Variants in JARID2 observed in about 807,000 individuals in gnomAD.
JARID2 encodes the protein jumonji and AT-rich interaction domain containing 2, also known as protein Jumonji.
A neutral mutation model predicts 125.6 loss-of-function variants in JARID2; 21 were observed. The ratio of observed to expected loss-of-function variants is 0.17; its 90% CI spans 0.12 to 0.24. The LOEUF is 0.24. JARID2 is among the 10% of genes least tolerant of loss of function. The pLI is 1.00. For synonymous variants in JARID2, 736 were observed against 661.6 expected (o/e 1.11, Z -1.73); for missense variants, 1,303 against 1,639.6 (o/e 0.79, Z 3.55).
intron 2 of JARID2, among the ~76,000 whole-genome samples, chr6:15,378,120 C>T (rs905450164): frequency 5.3e-5 from 8 of 150,958 alleles, no homozygotes; most frequent in African/African-American, 9.7e-5. Context: ...ATCCCTTGAC[C>T]TTGTGATCCG....
chr6:15,269,018 A>T (rs1760196272), intron 1 of JARID2, among the ~76,000 whole-genome samples: 1 of 152,154 alleles, frequency 6.6e-6, no homozygotes, highest in Admixed American at 6.5e-5. Context: ...AGGAAATTTA[A>T]AGGCCTACTT....
chr6:15,246,257 T>TGG lies in JARID2; in HGVS notation c.-282_-281insGG. 1 of 488,712 alleles carries TGG rather than the reference T, an allele frequency of 2.0e-6. No individual in the cohort carries two copies. 30.3% of individuals were successfully genotyped at this position (488,712 alleles called of 1,614,324 possible). On this transcript the variant is annotated 5_prime_UTR_variant, in exon 1 of 18. Coordinates refer to ENST00000341776, the MANE Select transcript of JARID2 (RefSeq NM_004973.4). ...AAGGGCGTCGGTTTTTTTTTGTGTG[T>TGG]GTGTGTATGTGTTTCGGGGGAAATT...
chr6:15,258,223 A>G (rs937547564), intron 1 of JARID2, among the ~76,000 whole-genome samples: 5 of 152,028 alleles, frequency 3.3e-5, no homozygotes, highest in Admixed American at 2.0e-4. Flanking sequence ...CTGTGTTGGG[A>G]GTTTGAAAAT....
intron 2 of JARID2, among the ~76,000 whole-genome samples, chr6:15,410,004 TGTTGAAA>T (rs1300344953): frequency 4.6e-5 from 7 of 152,234 alleles, no homozygotes. Context: ...AATTTCTTAC[TGTTGAAA>T]TTGTTTCCCT....
At chr6:15,340,810 GTTTTA>G (rs1763042546) in intron 1 of JARID2, among the ~76,000 whole-genome samples, 1 of 152,198 alleles carries the variant, frequency 6.6e-6, no homozygotes, top group African/African-American at 2.4e-5. Context: ...ATGTAAGATA[GTTTTA>G]GATAACACTC....
At chr6:15,457,870 C>A (rs986990484) in intron 4 of JARID2, among the ~76,000 whole-genome samples, 2 of 152,154 alleles carry the variant, frequency 1.3e-5, no homozygotes, top group African/African-American at 4.8e-5. Flanking sequence ...AAATCTAAAA[C>A]AAATTTGTTT....
rs1310894651 is a variant in JARID2, at chr6:15,471,029, A to G, written c.670+2311A>G. On this transcript the variant is annotated intron_variant, in intron 5 of 17. Transcript: ENST00000341776. Reference sequence around the variant, plus strand: ...TAGCAGACTAGTCTGAAATAAAGGAAAAAATTATTGTATTCAGAGAGTTCC... The same window carrying G: ...TAGCAGACTAGTCTGAAATAAAGGAGAAAATTATTGTATTCAGAGAGTTCC... 3.3e-5 allele frequency among the ~76,000 whole-genome samples: 5 copies of G among 152,250 alleles called. 1 individual carries two copies. Among genetic ancestry groups the G allele is most frequent in the Non-Finnish European group, 5.9e-5 (4 of 68,050 alleles).
chr6:15,507,278 G>T (rs1279051913), intron 10 of JARID2, 24 bp downstream of exon 10: 1 of 1,606,472 alleles, frequency 6.2e-7, no homozygotes, highest in African/African-American at 1.3e-5. Context: ...CTCTCGTCCA[G>T]GTTCTTGGGG....
chr6:15,417,657 G>A (rs750108452), intron 3 of JARID2, among the ~76,000 whole-genome samples: 6 of 152,068 alleles, frequency 3.9e-5, no homozygotes, highest in Admixed American at 1.3e-4. Flanking sequence ...TGAGAGGATC[G>A]TTTGAGTCTG....
chr6:15,295,119 CTT>C (rs1761361829), intron 1 of JARID2, among the ~76,000 whole-genome samples: 1 of 137,344 alleles, frequency 7.3e-6, no homozygotes, highest in African/African-American at 2.7e-5. Context: ...TTTTTTTTTT[CTT>C]TCTTTTTTTT....
At chr6:15,318,774 G>C (rs978865971) in intron 1 of JARID2, among the ~76,000 whole-genome samples, 2 of 152,180 alleles carry the variant, frequency 1.3e-5, no homozygotes, top group Non-Finnish European at 2.9e-5. Context: ...TGAGATTCCC[G>C]GATTGCTCAG....
At chr6:15,353,496 C>T (rs780272357) in intron 1 of JARID2, among the ~76,000 whole-genome samples, 57 of 152,144 alleles carry the variant, frequency 3.7e-4, no homozygotes, top group Non-Finnish European at 4.9e-4. Flanking sequence ...ATATCATTAT[C>T]GAGGAAGGTC....
chr6:15,247,306 C>T (rs976052469), intron 1 of JARID2: 1 of 447,588 alleles, frequency 2.2e-6, no homozygotes, highest in African/African-American at 2.1e-5. Context: ...AACTGGGCTT[C>T]TGAAATTGGG....
chr6:15,289,069 T>A (rs1761107078), intron 1 of JARID2, among the ~76,000 whole-genome samples: 1 of 152,122 alleles, frequency 6.6e-6, no homozygotes, highest in Non-Finnish European at 1.5e-5. Context: ...ATGAATGATC[T>A]TGATTGGGGT....
At chr6:15,438,269 C>G (rs780662597) in intron 3 of JARID2, among the ~76,000 whole-genome samples, 1 of 152,174 alleles carries the variant, frequency 6.6e-6, no homozygotes, top group East Asian at 1.9e-4. Context: ...AAAGGGAGAC[C>G]ATTAGGGCAT....
At chr6:15,457,568 C>A (rs1561875482) in intron 4 of JARID2, among the ~76,000 whole-genome samples, 1 of 150,472 alleles carries the variant, frequency 6.6e-6, no homozygotes, top group Non-Finnish European at 1.5e-5. Context: ...AATCAAACAC[C>A]TGGAAGTGAT....
intron 1 of JARID2, among the ~76,000 whole-genome samples, chr6:15,343,994 C>T (rs762541807): frequency 6.6e-6 from 1 of 151,964 alleles, no homozygotes; most frequent in Non-Finnish European, 1.5e-5. Flanking sequence ...GGACCCGGAC[C>T]TGAGAGTTAG....
At chr6:15,394,788 G>A (rs2127546483) in intron 2 of JARID2, among the ~76,000 whole-genome samples, 1 of 152,294 alleles carries the variant, frequency 6.6e-6, no homozygotes, top group East Asian at 1.9e-4. Context: ...AGGCCTCAAA[G>A]CTCCAAGGGT....
intron 3 of JARID2, among the ~76,000 whole-genome samples, chr6:15,411,160 G>A (rs1765858945): frequency 6.8e-6 from 1 of 146,760 alleles, no homozygotes; most frequent in African/African-American, 2.5e-5. Context: ...CTTAGAATTT[G>A]TTCGTTTCCG....
Sources: gnomAD v4.1 joint callset for allele counts (sites outside exome capture counted in the v4.1 genomes callset) on GRCh38, gnomAD v4.1.1 for gene constraint, MANE v1.5 for transcripts, NCBI Gene and HGNC (gene_info 2026-07-23, HGNC 2026-07-21) for gene names.